FAM161A: variants seen among roughly 807,000 people sequenced by gnomAD.
The protein encoded by FAM161A is FAM161 centrosomal protein A, also known as protein FAM161A.
FAM161A carries 57 observed loss-of-function variants against 70.9 expected under a neutral mutation model. The ratio of observed to expected loss-of-function variants is 0.80; its 90% confidence interval spans 0.65 to 1.00. FAM161A has a LOEUF of 1.00. Among genes scored for constraint, FAM161A ranks in the 50% least tolerant of loss-of-function variants. The pLI is 0.00. For missense variants in FAM161A, 880 were observed against 836.0 expected (o/e 1.05, Z -0.65); for synonymous variants, 299 against 295.7 (o/e 1.01, Z -0.12).
intron 5 of FAM161A, among the ~76,000 whole-genome samples, chr2:61,832,879 A>G (rs1338690419): frequency 6.6e-6 from 1 of 152,144 alleles, no homozygotes; most frequent in Non-Finnish European, 1.5e-5. Context: ...ACCAGTCTCT[A>G]GCGCCAAAAA....
intron 3 of FAM161A, among the ~76,000 whole-genome samples, chr2:61,838,921 C>T (rs1017525754): frequency 1.2e-4 from 18 of 150,012 alleles, no homozygotes; most frequent in Non-Finnish European, 2.4e-4. Flanking sequence ...CTCGCTCTGT[C>T]GCCCAGGCTG....
chr2:61,841,399 C>A (rs140154447), intron 2 of FAM161A, among the ~76,000 whole-genome samples: 90 of 152,316 alleles, frequency 5.9e-4, no homozygotes, highest in Middle Eastern at 6.8e-3. Flanking sequence ...ATGGTTTCTG[C>A]TGCCTAGAAG....
chr2:61,808,571 C>T, the FAM161A span, among the ~76,000 whole-genome samples: 9 of 152,004 alleles, frequency 5.9e-5, no homozygotes, highest in Non-Finnish European at 8.8e-5. Flanking sequence ...CGTGCCTGGC[C>T]GGAAAAATTC....
At chr2:61,804,727 A>G in the FAM161A span, among the ~76,000 whole-genome samples, 2 of 148,830 alleles carry the variant, frequency 1.3e-5, no homozygotes, top group African/African-American at 5.0e-5. Context: ...AAAGAAAGAA[A>G]GAAGGAAAGA....
At chr2:61,818,037 A>G in the FAM161A span, among the ~76,000 whole-genome samples, 1 of 152,016 alleles carries the variant, frequency 6.6e-6, no homozygotes, top group Non-Finnish European at 1.5e-5. Context: ...ACACCTAGTA[A>G]CAATGAGTAT....
Position 61,842,232 on chromosome 2 carries a change from A to T in FAM161A, c.312T>A (p.Ala104=), listed in dbSNP as rs1422708956. The T allele has an allele frequency of 5.6e-6, 9 of 1,613,314 alleles. No homozygotes were observed. The South Asian group carries it at 9.9e-5, about 18-fold the overall frequency. The part of the protein sequence containing the change: ...EYFKKVEELK[A]AHIETMAKLE... ...ATTTTGCCATAGTTTCTATGTGGGC[A>T]GCCTTCAACTCTTCTACTTTCTTGA... The change falls in exon 2 of 7, where the codon GCT becomes GCA. Residue 104 remains alanine, a synonymous_variant. Transcript: ENST00000404929.
In FAM161A at chr2:61,842,253, C is replaced by G; in HGVS notation, c.291G>C (p.Lys97Asn). 6.2e-7 allele frequency: 1 copy of G among 1,613,530 alleles called. No homozygotes were observed. The highest frequency in any genetic ancestry group is 8.5e-7 in the Non-Finnish European group (1 of 1,179,472). The change falls in exon 2 of 7, where the codon AAG becomes AAC. Residue 97 changes from lysine (K) to asparagine (N), a missense_variant. Physicochemically the swap from Lys to Asn is moderately conservative, Grantham distance 94. Coordinates refer to ENST00000404929, the MANE Select transcript of FAM161A (RefSeq NM_001201543.2). Reference protein sequence around the residue: ...DIHHSNEEYFKKVEELKAAHI... With the variant: ...DIHHSNEEYFNKVEELKAAHI... ...GGGCAGCCTTCAACTCTTCTACTTTCTTGAAATACTCCTCATTAGAGTGGT... is the reference window on the plus strand; with the variant it reads ...GGGCAGCCTTCAACTCTTCTACTTTGTTGAAATACTCCTCATTAGAGTGGT...
intron 5 of FAM161A, 111 bp from the exon 6 acceptor site, chr2:61,827,369 G>A: frequency 9.8e-7 from 1 of 1,015,700 alleles, no homozygotes; most frequent in East Asian, 2.6e-5. Context: ...CCAGTGCTTT[G>A]GGAGGCCGAG....
chr2:61,803,812 C>T, the FAM161A span, among the ~76,000 whole-genome samples: 28 of 151,874 alleles, frequency 1.8e-4, no homozygotes, highest in African/African-American at 2.2e-4. Context: ...GACTCTGTCT[C>T]GAAAAAATAA....
At chr2:61,848,707 G>C (rs565885582) in intron 1 of FAM161A, among the ~76,000 whole-genome samples, 1 of 140,854 alleles carries the variant, frequency 7.1e-6, no homozygotes, top group Non-Finnish European at 1.5e-5. Context: ...CGCTGAATTT[G>C]TAAAGAATGA....
chr2:61,827,335 G>A lies in FAM161A; in HGVS notation c.1852-77C>T, dbSNP rs933833361. On this transcript the variant is annotated intron_variant, in intron 5 of 6. Coordinates refer to ENST00000404929, the MANE Select transcript of FAM161A (RefSeq NM_001201543.2). ...ATCAAAAATGTATAGATTAGGCCAGGCGCGGTGGCTCACGCCTGTAATCCC... is the reference window on the plus strand; with the variant it reads ...ATCAAAAATGTATAGATTAGGCCAGACGCGGTGGCTCACGCCTGTAATCCC... 73 of 1,478,986 alleles carry A rather than the reference G, an allele frequency of 4.9e-5. No individual in the cohort carries two copies. In the African/African-American group the frequency reaches 8.9e-4, roughly 18 times the overall value. 91.6% of individuals were successfully genotyped at this position (1,478,986 alleles called of 1,614,324 possible).
chr2:61,839,497 C>G lies in FAM161A; in HGVS notation c.1507G>C (p.Gly503Arg). Residue 503 changes from glycine (G) to arginine (R), a missense_variant, in exon 3 of 7, where the codon GGT becomes CGT. Physicochemically the swap from Gly to Arg is moderately radical, Grantham distance 125. Coordinates refer to ENST00000404929, the MANE Select transcript of FAM161A (RefSeq NM_001201543.2). Reference protein sequence around the residue: ...PRRKSPVRCAGVNPVPCNCNP... With the variant: ...PRRKSPVRCARVNPVPCNCNP... ...CAGTTACAAGGCACAGGGTTTACAC[C>G]TGCACATCTTACTGGTGACTTACGC... 2 of 1,614,198 alleles carry G rather than the reference C, an allele frequency of 1.2e-6. No homozygotes were observed. The highest frequency in any genetic ancestry group is 1.7e-6 in the Non-Finnish European group (2 of 1,180,038).
downstream of FAM161A, among the ~76,000 whole-genome samples, chr2:61,824,095 C>T (rs559555708): frequency 2.0e-5 from 3 of 150,938 alleles, no homozygotes; most frequent in African/African-American, 7.3e-5. Context: ...GGTGCCATCT[C>T]GGCTCACTGC....
the FAM161A span, among the ~76,000 whole-genome samples, chr2:61,811,024 C>A: frequency 1.6e-3 from 244 of 152,256 alleles, no homozygotes; most frequent in African/African-American, 5.6e-3. Context: ...TCCAATTGCT[C>A]CCCACAGAAA....
At position 61,824,939 on chromosome 2, in the gene FAM161A, A is replaced by G. The variant is rs1005066931; in HGVS notation, c.*1516T>C. 1 of 452,700 alleles carries G rather than the reference A, an allele frequency of 2.2e-6. No homozygotes were observed. The highest frequency in any genetic ancestry group is 4.4e-6 in the Non-Finnish European group (1 of 226,500). 28.0% of individuals were successfully genotyped at this position (452,700 alleles called of 1,614,324 possible). On this transcript the variant is annotated 3_prime_UTR_variant, in exon 7 of 7. Transcript: ENST00000404929. Reference sequence around the variant, plus strand: ...TAAGGGAATACAAAGATGAATTTTTAAATGGTGCCAAATCCCAAGGAGTTT... The same window carrying G: ...TAAGGGAATACAAAGATGAATTTTTGAATGGTGCCAAATCCCAAGGAGTTT...
chr2:61,819,499 G>T, the FAM161A span, among the ~76,000 whole-genome samples: 1 of 152,104 alleles, frequency 6.6e-6, no homozygotes, highest in Non-Finnish European at 1.5e-5. Flanking sequence ...TCTCATTCAA[G>T]TCTGGTAGAA....
In FAM161A at chr2:61,839,417, T is replaced by A; in HGVS notation, c.1583+4A>T. ...TCAGTCAGTACTGCGTCCTACTTAC[T>A]TACCTTACGGCTTGTTCTCGTCCTC... On this transcript the variant is annotated splice_donor_region_variant and intron_variant, in intron 3 of 6. Transcript: ENST00000404929. 4 of 1,614,102 alleles carry A rather than the reference T, an allele frequency of 2.5e-6. No individual in the cohort carries two copies. Among genetic ancestry groups the A allele is most frequent in the Non-Finnish European group, 3.4e-6 (4 of 1,180,002 alleles).
the FAM161A span, among the ~76,000 whole-genome samples, chr2:61,809,789 C>G: frequency 6.6e-6 from 1 of 152,168 alleles, no homozygotes; most frequent in African/African-American, 2.4e-5. Flanking sequence ...GCAGTAGGAG[C>G]AGCACTGTGG....
the FAM161A span, among the ~76,000 whole-genome samples, chr2:61,804,940 G>T: frequency 2.0e-5 from 3 of 152,124 alleles, no homozygotes; most frequent in East Asian, 5.8e-4. Flanking sequence ...CCCAGCAAAT[G>T]AATCCACTGG....
Sources: allele counts gnomAD v4.1 joint callset (sites outside exome capture counted in the v4.1 genomes callset), GRCh38; gene constraint gnomAD v4.1.1; transcripts MANE v1.5; gene names NCBI Gene and HGNC (gene_info 2026-07-23, HGNC 2026-07-21).